ALB: variants seen among roughly 807,000 people sequenced by gnomAD.
ALB encodes the protein albumin.
In ALB, 37 loss-of-function variants were observed where a neutral mutation model predicts 74.5. The observed-to-expected ratio is 0.50, with a 90% CI of 0.38 to 0.65. ALB has a LOEUF of 0.65. Ranked by LOEUF, ALB falls within the 30% of genes least tolerant of loss-of-function variation. The pLI, the probability that ALB is intolerant of heterozygous loss-of-function variation, is 0.00. For synonymous variants in ALB, 249 were observed against 251.6 expected, an observed-to-expected ratio of 0.99 and a Z score of 0.10; for missense variants, 685 against 718.7, an observed-to-expected ratio of 0.95 and a Z score of 0.54.
intron 12 of ALB, 186 bp from the exon 13 acceptor site, chr4:73,419,321 C>T (rs1004829939): frequency 3.2e-6 from 2 of 627,990 alleles, no homozygotes; most frequent in South Asian, 2.0e-5. Flanking sequence ...ATTTTATTAT[C>T]CTCATCATGC....
intron 10 of ALB, among the ~76,000 whole-genome samples, chr4:73,416,729 T>C (rs548704209): frequency 7.9e-5 from 12 of 152,302 alleles, no homozygotes; most frequent in Admixed American, 3.9e-4. Context: ...AAAAGTAATA[T>C]GTAAGCTGAA....
At chr4:73,420,952 A>C (rs1719127042) in intron 14 of ALB, 140 bp from the exon 15 acceptor site, 1 of 525,994 alleles carries the variant, frequency 1.9e-6, no homozygotes, top group Admixed American at 3.6e-5. Context: ...AGCAGCCGTA[A>C]GTCTAGGACA....
At chr4:73,407,617 C>T (rs1458526201) in intron 3 of ALB, among the ~76,000 whole-genome samples, 1 of 152,100 alleles carries the variant, frequency 6.6e-6, no homozygotes, top group African/African-American at 2.4e-5. Context: ...TGGTTTTTAT[C>T]ATCAGAAAAC....
Position 73,420,290 on chromosome 4 carries a change from G to T in ALB, c.1822G>T (p.Gly608Cys). ...TGTTGCTGCAAGTCAAGCTGCCTTAGGCTTATAACATCACATTTAAAAGCA... is the reference window on the plus strand; with the variant it reads ...TGTTGCTGCAAGTCAAGCTGCCTTATGCTTATAACATCACATTTAAAAGCA... ...KLVAASQAAL[G>C]L The change falls in exon 14 of 15, where the codon GGC (glycine) becomes TGC (cysteine). Residue 608 changes from glycine (G) to cysteine (C), a missense_variant. By Grantham distance (159) the Gly-to-Cys change is radical. Transcript: ENST00000295897. 1 of 1,612,132 alleles carries T rather than the reference G, an allele frequency of 6.2e-7. No individual in the cohort carries two copies. Among genetic ancestry groups the T allele is most frequent in the Non-Finnish European group, 8.5e-7 (1 of 1,178,756 alleles).
In ALB at chr4:73,415,031, T is replaced by G. The variant is rs372556059; in HGVS notation, c.1059-4T>G. 12 of 1,613,956 alleles carry G rather than the reference T, an allele frequency of 7.4e-6. No homozygotes were observed. Among genetic ancestry groups the G allele is most frequent in the Non-Finnish European group, 1.0e-5 (12 of 1,179,854 alleles). On this transcript the variant is annotated splice_region_variant and splice_polypyrimidine_tract_variant and intron_variant, in intron 8 of 14. Transcript: ENST00000295897. ...AAAGTCTATTTTATTTTCATCTTAATTAGGTTTTTGTATGAATATGCAAGA... is the reference window on the plus strand; with the variant it reads ...AAAGTCTATTTTATTTTCATCTTAAGTAGGTTTTTGTATGAATATGCAAGA...
chr4:73,410,239 C>A, intron 5 of ALB, 73 bp from the exon 6 acceptor site: 1 of 1,157,730 alleles, frequency 8.6e-7, no homozygotes, highest in Non-Finnish European at 1.3e-6. Context: ...GGCACAGTCT[C>A]ATCTGAGCTT....
chr4:73,412,115 C>T lies in ALB; in HGVS notation c.833C>T (p.Ala278Val). 1 of 1,614,054 alleles carries T rather than the reference C, an allele frequency of 6.2e-7. No homozygotes were observed. Among genetic ancestry groups the T allele is most frequent in the Admixed American group, 1.7e-5 (1 of 60,014 alleles). The change falls in exon 7 of 15, where the codon GCT (alanine) becomes GTT (valine). Residue 278 changes from alanine (A) to valine (V), a missense_variant. Coordinates refer to ENST00000295897, the MANE Select transcript of ALB (RefSeq NM_000477.7). ...ECCHGDLLEC[A>V]DDRADLAKYI... ...TGCCATGGAGATCTGCTTGAATGTG[C>T]TGATGACAGGGTAAAGAGTCGTCGA...
At chr4:73,407,251 A>G (rs1228827919) in intron 3 of ALB, among the ~76,000 whole-genome samples, 1 of 152,156 alleles carries the variant, frequency 6.6e-6, no homozygotes, top group Non-Finnish European at 1.5e-5. Context: ...CCCATTGATT[A>G]GTAACCCCTC....
At chr4:73,419,177 G>T (rs1560385152) in intron 12 of ALB, 1 of 212,136 alleles carries the variant, frequency 4.7e-6, no homozygotes, top group Non-Finnish European at 9.6e-6. Context: ...TCCAAAATCT[G>T]AATAATATAT....
chr4:73,411,160 A>T (rs891924966), intron 6 of ALB, among the ~76,000 whole-genome samples: 2 of 152,176 alleles, frequency 1.3e-5, no homozygotes, highest in Admixed American at 1.3e-4. Flanking sequence ...GACATTATGC[A>T]TGCTCTCTAG....
Position 73,421,167 on chromosome 4 carries a change from GCCAACAC to G in ALB, c.*102_*108del, listed in dbSNP as rs750893435. 264 of 673,388 alleles carry G rather than the reference GCCAACAC, an allele frequency of 3.9e-4. No individual in the cohort carries two copies. Among genetic ancestry groups the G allele is most frequent in the Admixed American group, 1.9e-3 (79 of 41,764 alleles). 41.7% of individuals were successfully genotyped at this position (673,388 alleles called of 1,614,324 possible). A position where few individuals can be genotyped will look rare whatever the true frequency, so the allele number is the denominator to read the frequency against. On this transcript the variant is annotated 3_prime_UTR_variant, in exon 15 of 15. Transcript: ENST00000295897. ...TGTTTTTCTTTTTCGTTGGTGTAAA[GCCAACAC>G]CCTGTCTAAAAAACATAAATTTCTT...
intron 10 of ALB, 121 bp downstream of exon 10, chr4:73,416,474 T>G (rs1490891331): frequency 2.6e-6 from 2 of 764,914 alleles, no homozygotes; most frequent in African/African-American, 3.5e-5. Flanking sequence ...CTAATCACTC[T>G]TTGTCAAGAA....
At chr4:73,417,412 T>A in intron 10 of ALB, 119 bp from the exon 11 acceptor site, 2 of 1,285,914 alleles carry the variant, frequency 1.6e-6, no homozygotes, top group Admixed American at 3.5e-5. Context: ...CAGATGGAGA[T>A]AATATGATGA....
intron 9 of ALB, among the ~76,000 whole-genome samples, chr4:73,415,766 C>T (rs146384868): frequency 2.4e-4 from 37 of 152,124 alleles, no homozygotes; most frequent in African/African-American, 7.0e-4. Context: ...CAATGACCAA[C>T]GTAAAATCTC....
chr4:73,412,633 C>T (rs562056500), intron 7 of ALB, among the ~76,000 whole-genome samples: 11 of 152,002 alleles, frequency 7.2e-5, no homozygotes, highest in South Asian at 6.2e-4. Context: ...TTAGTAGAGG[C>T]GGGGTTTCAC....
Position 73,415,583 on chromosome 4 carries a change from G to A in ALB, c.1191+416G>A, listed in dbSNP as rs55676765. On this transcript the variant is annotated intron_variant, in intron 9 of 14. Transcript: ENST00000295897. ...CTTTAGAATATTTTCAAATCTTTTT[G>A]AGGATGTTTAGGAATAGTTTTACAA... Among the ~76,000 whole-genome samples, 744 of 152,210 alleles carry A rather than the reference G, an allele frequency of 4.9e-3. 4 individuals are homozygous for A. The highest frequency in any genetic ancestry group is 0.015 in the African/African-American group (634 of 41,542).
chr4:73,407,734 A>T (rs1718768885), intron 3 of ALB, among the ~76,000 whole-genome samples: 1 of 152,236 alleles, frequency 6.6e-6, no homozygotes, highest in African/African-American at 2.4e-5. Context: ...AAAAAAGCAG[A>T]GTACTTAGTC....
At chr4:73,417,713 T>G in intron 11 of ALB, 44 bp downstream of exon 11, 1 of 1,466,740 alleles carries the variant, frequency 6.8e-7, no homozygotes, top group Non-Finnish European at 9.2e-7. Flanking sequence ...TGAAAAAATT[T>G]TACCTTTAGA....
At chr4:73,406,889 T>G in intron 3 of ALB, 128 bp downstream of exon 3, 1 of 1,110,926 alleles carries the variant, frequency 9.0e-7, no homozygotes, top group South Asian at 1.5e-5. Context: ...ACTAAAAAGT[T>G]GCTCATAGAC....
Sources: allele counts gnomAD v4.1 joint callset (sites outside exome capture counted in the v4.1 genomes callset), GRCh38; gene constraint gnomAD v4.1.1; transcripts MANE v1.5; gene names NCBI Gene and HGNC (gene_info 2026-07-23, HGNC 2026-07-21).